The following KAZN variants were observed in gnomAD, a reference collection of about 807,000 sequenced individuals.
The protein encoded by KAZN is kazrin, periplakin interacting protein, also known as kazrin.
In KAZN, 40 loss-of-function variants were observed where a neutral mutation model predicts 87.4. That is an observed-to-expected ratio of 0.46 (90% CI 0.36 to 0.60). The LOEUF (loss-of-function observed/expected upper bound fraction) is 0.60, where lower values mean the gene tolerates loss of function less well. Ranked by LOEUF, KAZN falls within the 20% of genes least tolerant of loss-of-function variation. KAZN has a pLI of 0.00. For missense variants in KAZN, 898 were observed against 1,073.9 expected (o/e 0.84, Z 2.29); for synonymous variants, 466 against 458.3 (o/e 1.02, Z -0.22).
intron 2 of KAZN, among the ~76,000 whole-genome samples, chr1:14,216,632 G>A (rs550623353): frequency 7.2e-5 from 11 of 152,280 alleles, no homozygotes; most frequent in East Asian, 1.9e-4. Flanking sequence ...GATGCTGAGC[G>A]TGTTGGCTCA....
At chr1:14,501,483 A>G (rs1484908894) in intron 2 of KAZN, among the ~76,000 whole-genome samples, 3 of 152,338 alleles carry the variant, frequency 2.0e-5, no homozygotes, top group East Asian at 1.9e-4. Flanking sequence ...AATCAATTCT[A>G]TTTCTATACA....
At chr1:15,114,165 C>G in intron 14 of KAZN, 1 of 275,146 alleles carries the variant, frequency 3.6e-6, no homozygotes, top group Non-Finnish European at 7.1e-6. Context: ...CTCCACCCAC[C>G]AAGGAGGGAA....
intron 2 of KAZN, among the ~76,000 whole-genome samples, chr1:14,413,122 T>C (rs1413051643): frequency 1.3e-5 from 2 of 150,510 alleles, no homozygotes; most frequent in Non-Finnish European, 3.0e-5. Flanking sequence ...ACTTAATCTA[T>C]GATAGTAGAT....
At chr1:14,341,390 G>A (rs1353324219) in intron 2 of KAZN, among the ~76,000 whole-genome samples, 1 of 152,148 alleles carries the variant, frequency 6.6e-6, no homozygotes, top group Non-Finnish European at 1.5e-5. Context: ...TCCTAAGTCA[G>A]ATCCTGCAGC....
intron 2 of KAZN, among the ~76,000 whole-genome samples, chr1:14,310,956 G>A (rs182449962): frequency 1.5e-4 from 23 of 152,308 alleles, no homozygotes; most frequent in Admixed American, 1.4e-3. Flanking sequence ...ATGAGGGGCG[G>A]TGTTTTAGAA....
At chr1:14,995,298 G>C (rs531625249) in intron 2 of KAZN, among the ~76,000 whole-genome samples, 2 of 152,154 alleles carry the variant, frequency 1.3e-5, no homozygotes, top group African/African-American at 4.8e-5. Context: ...TCCACATCCC[G>C]GTTCTCTTAG....
chr1:15,043,787 T>C (rs952983588), intron 3 of KAZN, among the ~76,000 whole-genome samples: 1 of 151,834 alleles, frequency 6.6e-6, no homozygotes, highest in African/African-American at 2.4e-5. Context: ...GGACTACAGG[T>C]GCCCGCCACC....
At chr1:14,009,527 C>T (rs1360170242) in intron 1 of KAZN, among the ~76,000 whole-genome samples, 1 of 152,148 alleles carries the variant, frequency 6.6e-6, no homozygotes, top group East Asian at 1.9e-4. Context: ...TGATAGCTCA[C>T]TTAATTTTCC....
intron 1 of KAZN, among the ~76,000 whole-genome samples, chr1:14,871,493 T>G (rs1368238284): frequency 6.6e-6 from 1 of 151,984 alleles, no homozygotes; most frequent in East Asian, 1.9e-4. Context: ...CAAACACAAA[T>G]TATTATCTCC....
intron 2 of KAZN, among the ~76,000 whole-genome samples, chr1:14,493,123 C>G (rs1016079146): frequency 6.6e-6 from 1 of 152,164 alleles, no homozygotes; most frequent in Non-Finnish European, 1.5e-5. Flanking sequence ...CGTGCCCCTC[C>G]CTCCCACCTG....
chr1:14,365,040 G>A (rs1659854457), intron 2 of KAZN, among the ~76,000 whole-genome samples: 1 of 151,136 alleles, frequency 6.6e-6, no homozygotes, highest in African/African-American at 2.4e-5. Flanking sequence ...ACCATGCCCG[G>A]CCCCCTCTCT....
chr1:14,000,538 A>T (rs1409471904), intron 1 of KAZN, among the ~76,000 whole-genome samples: 1 of 152,216 alleles, frequency 6.6e-6, no homozygotes, highest in Non-Finnish European at 1.5e-5. Flanking sequence ...CTAGGCATTG[A>T]TGGAACATAT....
intron 2 of KAZN, among the ~76,000 whole-genome samples, chr1:14,263,907 G>A (rs1441930133): frequency 1.3e-5 from 2 of 152,202 alleles, no homozygotes; most frequent in Admixed American, 6.5e-5. Flanking sequence ...CAGCCAGGAT[G>A]CCCTGCCTTG....
At chr1:14,729,269 C>A (rs1308446116) in intron 1 of KAZN, among the ~76,000 whole-genome samples, 1 of 152,128 alleles carries the variant, frequency 6.6e-6, no homozygotes, top group Non-Finnish European at 1.5e-5. Flanking sequence ...ACTTAGTGAC[C>A]CTTGCTATCT....
chr1:14,863,386 G>C (rs986696601), intron 1 of KAZN, among the ~76,000 whole-genome samples: 4 of 152,172 alleles, frequency 2.6e-5, no homozygotes, highest in African/African-American at 9.7e-5. Context: ...CTGCTGTGTT[G>C]GGGGATGAAT....
chr1:13,976,138 C>G (rs1638347500), intron 1 of KAZN, among the ~76,000 whole-genome samples: 1 of 152,172 alleles, frequency 6.6e-6, no homozygotes, highest in East Asian at 1.9e-4. Context: ...TTAAAGTTGG[C>G]CTCTAGAATC....
intron 1 of KAZN, among the ~76,000 whole-genome samples, chr1:14,793,942 C>T (rs1243316311): frequency 1.3e-5 from 2 of 152,166 alleles, no homozygotes; most frequent in East Asian, 1.9e-4. Flanking sequence ...CCACACAGCC[C>T]GCAGCCTCCA....
chr1:14,008,540 TG>T (rs1640138480), intron 1 of KAZN, among the ~76,000 whole-genome samples: 2 of 152,228 alleles, frequency 1.3e-5, no homozygotes, highest in Middle Eastern at 3.2e-3. Flanking sequence ...AGTCGAGTAC[TG>T]GGGATACAGC....
chr1:14,823,692 C>T (rs1207738433), intron 1 of KAZN, among the ~76,000 whole-genome samples: 2 of 152,072 alleles, frequency 1.3e-5, no homozygotes, highest in South Asian at 2.1e-4. Flanking sequence ...GTGGGAGGGA[C>T]AGATCGTATA....
Sources: gnomAD v4.1 joint callset for allele counts (sites outside exome capture counted in the v4.1 genomes callset) on GRCh38, gnomAD v4.1.1 for gene constraint, MANE v1.5 for transcripts, NCBI Gene and HGNC (gene_info 2026-07-23, HGNC 2026-07-21) for gene names.